ASIC2: variants seen among roughly 807,000 people sequenced by gnomAD.
ASIC2 encodes the protein acid sensing ion channel subunit 2.
Under a neutral mutation model 57.3 loss-of-function variants are expected in ASIC2, and 25 were observed. The observed-to-expected ratio is 0.44, with a 90% confidence interval of 0.32 to 0.61. The LOEUF (loss-of-function observed/expected upper bound fraction) is 0.61, where lower values mean the gene tolerates loss of function less well. Ranked by LOEUF, ASIC2 falls within the 20% of genes least tolerant of loss-of-function variation. The probability of loss-of-function intolerance (pLI) is 0.06; values close to 1 mark genes in which losing one functional copy is unlikely to be tolerated. For missense variants in ASIC2, 641 were observed against 738.1 expected (o/e 0.87, Z 1.52); for synonymous variants, 319 against 307.5 (o/e 1.04, Z -0.39).
intron 1 of ASIC2, among the ~76,000 whole-genome samples, chr17:33,316,124 G>A (rs1298363471): frequency 6.6e-6 from 1 of 152,148 alleles, no homozygotes; most frequent in Non-Finnish European, 1.5e-5. Flanking sequence ...ACCTCATGTG[G>A]TTTTTTCCTG....
Position 33,153,092 on chromosome 17 carries a change from C to T in ASIC2, c.709-41025G>A, listed in dbSNP as rs72819125. Among the ~76,000 whole-genome samples the T allele has an allele frequency of 8.3e-3, 1,271 of 152,244 alleles. 6 individuals are homozygous for T. Among genetic ancestry groups the T allele is most frequent in the South Asian group, 0.011 (51 of 4,814 alleles). The stretch of plus-strand genomic sequence containing the variant: ...GAGGCTCGTAAAGCTCTTTATTATG[C>T]GTAACTCATGTAGCACTCAGATGGG... On this transcript the variant is annotated intron_variant, in intron 1 of 9. Transcript: ENST00000225823.
intron 1 of ASIC2, among the ~76,000 whole-genome samples, chr17:33,885,770 A>G (rs995877358): frequency 4.6e-5 from 7 of 152,226 alleles, no homozygotes; most frequent in Non-Finnish European, 1.0e-4. Context: ...CATCTTCCTT[A>G]ATTCCTTAGG....
intron 1 of ASIC2, among the ~76,000 whole-genome samples, chr17:33,353,299 G>A (rs942637685): frequency 6.6e-6 from 1 of 151,776 alleles, no homozygotes; most frequent in Non-Finnish European, 1.5e-5. Context: ...TTTGACCCTC[G>A]ACCTCTACCT....
At chr17:33,338,289 G>T (rs1005197088) in intron 1 of ASIC2, among the ~76,000 whole-genome samples, 5 of 152,204 alleles carry the variant, frequency 3.3e-5, no homozygotes, top group African/African-American at 1.2e-4. Flanking sequence ...CTCTGGAAGG[G>T]CAAGGAGAAT....
At chr17:33,410,102 A>T (rs1390381186) in intron 1 of ASIC2, among the ~76,000 whole-genome samples, 1 of 152,184 alleles carries the variant, frequency 6.6e-6, no homozygotes, top group Non-Finnish European at 1.5e-5. Context: ...AAAGATGATG[A>T]TGTGATATGT....
chr17:33,668,272 C>CTTTTTTTTTTTTT (rs397856474), intron 1 of ASIC2, among the ~76,000 whole-genome samples: 6 of 61,416 alleles, frequency 9.8e-5, no homozygotes, highest in African/African-American at 2.2e-4. Context: ...ATCAAATGTT[C>CTTTTTTTTTTTTT]TTTTTTTTTT....
At chr17:34,070,102 CCTGA>C (rs1435781027) in intron 1 of ASIC2, 11 of 152,020 alleles carry the variant, frequency 7.2e-5, no homozygotes, top group African/African-American at 2.2e-4. Flanking sequence ...AGTTTTTCAG[CCTGA>C]CTATGAAGTT....
intron 1 of ASIC2, among the ~76,000 whole-genome samples, chr17:33,974,421 C>T (rs1214831171): frequency 6.6e-6 from 1 of 152,150 alleles, no homozygotes; most frequent in African/African-American, 2.4e-5. Flanking sequence ...CCTGGCACCC[C>T]AGCCCTATCC....
intron 1 of ASIC2, among the ~76,000 whole-genome samples, chr17:33,871,739 C>T (rs998354460): frequency 7.9e-5 from 12 of 152,014 alleles, no homozygotes; most frequent in East Asian, 7.7e-4. Context: ...TGACAGCTAC[C>T]GGAAAGAGGG....
intron 1 of ASIC2, among the ~76,000 whole-genome samples, chr17:33,826,827 C>T (rs1335276809): frequency 6.6e-6 from 1 of 152,076 alleles, no homozygotes; most frequent in Non-Finnish European, 1.5e-5. Context: ...TGTCTACCCT[C>T]GAGGATCTTT....
In ASIC2 at chr17:33,293,279, G is replaced by A; in HGVS notation, c.-1164C>T. 6.6e-6 allele frequency among the ~76,000 whole-genome samples: 1 copy of A among 151,882 alleles called. No homozygotes were observed. The highest frequency in any genetic ancestry group is 3.4e-3 in the Middle Eastern group (1 of 290). On this transcript the variant is annotated 5_prime_UTR_variant, in exon 1 of 10. Transcript: ENST00000225823. ...GCTCCGAGCACCTGCTCCTCAGCTC[G>A]CTGGCCCCGCGGCTCCGGGCGGGCG...
intron 1 of ASIC2, among the ~76,000 whole-genome samples, chr17:33,195,449 C>T (rs560095648): frequency 5.3e-5 from 8 of 152,144 alleles, no homozygotes; most frequent in South Asian, 2.1e-4. Flanking sequence ...TGACAAAATT[C>T]GATTTTGTTA....
intron 1 of ASIC2, among the ~76,000 whole-genome samples, chr17:33,673,660 C>T (rs1048603880): frequency 1.3e-5 from 2 of 152,052 alleles, no homozygotes; most frequent in African/African-American, 2.4e-5. Flanking sequence ...AGATCCTCGC[C>T]CAGTCCCCTG....
At chr17:33,343,839 G>A (rs974981372) in intron 1 of ASIC2, among the ~76,000 whole-genome samples, 1 of 152,182 alleles carries the variant, frequency 6.6e-6, no homozygotes, top group African/African-American at 2.4e-5. Context: ...TCTCTTCTCT[G>A]TGTGAAAGTC....
chr17:34,130,577 T>C (rs1911922693), intron 1 of ASIC2, among the ~76,000 whole-genome samples: 1 of 152,226 alleles, frequency 6.6e-6, no homozygotes, highest in African/African-American at 2.4e-5. Flanking sequence ...TCTTTGGTCT[T>C]ATAAGCTTCA....
At chr17:34,030,291 C>T (rs375593969) in intron 1 of ASIC2, among the ~76,000 whole-genome samples, 2 of 152,202 alleles carry the variant, frequency 1.3e-5, no homozygotes, top group East Asian at 1.9e-4. Context: ...AGAAATCCAC[C>T]CATACTTTCA....
intron 1 of ASIC2, among the ~76,000 whole-genome samples, chr17:33,114,771 G>T (rs142036121): frequency 7.9e-5 from 12 of 152,314 alleles, no homozygotes; most frequent in African/African-American, 2.9e-4. Context: ...TTACATATTA[G>T]GAAACAGAGT....
intron 1 of ASIC2, among the ~76,000 whole-genome samples, chr17:33,209,626 C>A (rs557834979): frequency 1.3e-5 from 2 of 152,324 alleles, no homozygotes; most frequent in Middle Eastern, 6.8e-3. Flanking sequence ...GCTTAAGAAC[C>A]ACTGCCTTGA....
At chr17:33,995,794 G>A (rs1199061411) in intron 1 of ASIC2, among the ~76,000 whole-genome samples, 1 of 152,040 alleles carries the variant, frequency 6.6e-6, no homozygotes, top group Non-Finnish European at 1.5e-5. Flanking sequence ...TAGCTATTGT[G>A]AATAATGCAC....
Sources: allele counts gnomAD v4.1 joint callset (sites outside exome capture counted in the v4.1 genomes callset), GRCh38; gene constraint gnomAD v4.1.1; transcripts MANE v1.5; gene names NCBI Gene and HGNC (gene_info 2026-07-23, HGNC 2026-07-21).